SCHIP1: variants seen among roughly 807,000 people sequenced by gnomAD.
The protein encoded by SCHIP1 is schwannomin-interacting protein 1.
In SCHIP1, 8 loss-of-function variants were observed where a neutral mutation model predicts 29.7. That is an observed-to-expected ratio of 0.27 (90% confidence interval 0.16 to 0.49). SCHIP1 has a LOEUF of 0.49. Among genes scored for constraint, SCHIP1 ranks in the 20% least tolerant of loss-of-function variants. The pLI is 0.99. For synonymous variants in SCHIP1, 76 were observed against 94.9 expected, an observed-to-expected ratio of 0.80 and a Z score of 1.16; for missense variants, 193 against 294.6, an observed-to-expected ratio of 0.66 and a Z score of 2.52.
the SCHIP1 span, among the ~76,000 whole-genome samples, chr3:159,646,591 A>G: frequency 2.0e-5 from 3 of 152,112 alleles, no homozygotes; most frequent in Non-Finnish European, 4.4e-5. Flanking sequence ...CTTCAGTAAG[A>G]TAGTAATAAG....
chr3:159,630,323 A>T, the SCHIP1 span, among the ~76,000 whole-genome samples: 28,002 of 152,096 alleles, frequency 0.18, 7,419 homozygotes, highest in African/African-American at 0.59. Context: ...AAACTATGTA[A>T]AAAAGTGACT....
At chr3:159,321,908 TACTA>T in the SCHIP1 span, among the ~76,000 whole-genome samples, 1 of 152,128 alleles carries the variant, frequency 6.6e-6, no homozygotes, top group Non-Finnish European at 1.5e-5. Context: ...AAAATTATAT[TACTA>T]ACTCTTTTTG....
the SCHIP1 span, among the ~76,000 whole-genome samples, chr3:159,432,363 GGAGA>G: frequency 2.6e-5 from 3 of 113,332 alleles, no homozygotes; most frequent in African/African-American, 9.6e-5. Flanking sequence ...AGAGAGAGAG[GGAGA>G]GAGAGAGAGA....
intron 1 of SCHIP1, among the ~76,000 whole-genome samples, chr3:159,865,548 A>G (rs1714530881): frequency 6.6e-6 from 1 of 152,324 alleles, no homozygotes; most frequent in South Asian, 2.1e-4. Flanking sequence ...GGTTTCTCAC[A>G]TTCTAAAACC....
the SCHIP1 span, among the ~76,000 whole-genome samples, chr3:159,325,663 C>A: frequency 6.6e-6 from 1 of 152,040 alleles, no homozygotes; most frequent in South Asian, 2.1e-4. Flanking sequence ...TTCTTGTCAC[C>A]ATCACCCCTT....
At chr3:159,810,029 G>A in the SCHIP1 span, among the ~76,000 whole-genome samples, 19,460 of 152,190 alleles carry the variant, frequency 0.13, 1,483 homozygotes, top group Middle Eastern at 0.29. Flanking sequence ...TTTACATACC[G>A]TAAAATTCAC....
the SCHIP1 span, among the ~76,000 whole-genome samples, chr3:159,668,676 G>A: frequency 3.3e-5 from 5 of 152,170 alleles, no homozygotes; most frequent in Admixed American, 3.3e-4. Context: ...GTTCCCATCA[G>A]CTGGAAAGAG....
the SCHIP1 span, among the ~76,000 whole-genome samples, chr3:159,593,237 T>G: frequency 3.9e-5 from 6 of 152,282 alleles, no homozygotes; most frequent in African/African-American, 1.4e-4. Flanking sequence ...GAGTAGGTAC[T>G]TAAGTGGAAT....
At chr3:159,892,225 G>A in intron 6 of SCHIP1, 35 bp downstream of exon 7, 1 of 1,612,532 alleles carries the variant, frequency 6.2e-7, no homozygotes, top group Middle Eastern at 1.7e-4. Flanking sequence ...AAGAAGAAAA[G>A]CCCAGGGTGG....
At chr3:159,854,155 A>G (rs535362302) in intron 1 of SCHIP1, among the ~76,000 whole-genome samples, 2 of 152,356 alleles carry the variant, frequency 1.3e-5, no homozygotes, top group East Asian at 3.9e-4. Flanking sequence ...CATAACATGA[A>G]GAATAAAATC....
the SCHIP1 span, among the ~76,000 whole-genome samples, chr3:159,816,713 A>G: frequency 6.6e-6 from 1 of 152,216 alleles, no homozygotes; most frequent in Admixed American, 6.5e-5. Context: ...TAACTCCTAT[A>G]TCAGCCCTGC....
At chr3:159,304,600 C>T in the SCHIP1 span, among the ~76,000 whole-genome samples, 1 of 152,218 alleles carries the variant, frequency 6.6e-6, no homozygotes, top group Non-Finnish European at 1.5e-5. Flanking sequence ...TAAACATACA[C>T]ATGCTAACAT....
the SCHIP1 span, among the ~76,000 whole-genome samples, chr3:159,293,743 A>G: frequency 2.6e-5 from 4 of 152,226 alleles, no homozygotes; most frequent in South Asian, 8.3e-4. Flanking sequence ...TTAAAAGCCT[A>G]TTATTCTCAA....
the SCHIP1 span, among the ~76,000 whole-genome samples, chr3:159,669,320 C>G: frequency 1.3e-5 from 2 of 152,218 alleles, no homozygotes; most frequent in Non-Finnish European, 2.9e-5. Context: ...AAGCCCAGCT[C>G]ATTTCGACAG....
upstream of SCHIP1, among the ~76,000 whole-genome samples, chr3:159,838,248 G>A (rs1743864342): frequency 6.6e-6 from 1 of 152,148 alleles, no homozygotes; most frequent in South Asian, 2.1e-4. Flanking sequence ...TATAAAAATA[G>A]GTTTTTCTCA....
chr3:159,400,892 C>T, the SCHIP1 span, among the ~76,000 whole-genome samples: 1 of 152,198 alleles, frequency 6.6e-6, no homozygotes, highest in Non-Finnish European at 1.5e-5. Context: ...TCTTCCCTAT[C>T]TTCTGTTATC....
the SCHIP1 span, among the ~76,000 whole-genome samples, chr3:159,655,073 G>C: frequency 3.3e-5 from 5 of 152,172 alleles, no homozygotes; most frequent in African/African-American, 1.2e-4. Context: ...ATGAGTTCTG[G>C]GTTCAACTCC....
At chr3:159,396,386 T>C in the SCHIP1 span, among the ~76,000 whole-genome samples, 1 of 148,064 alleles carries the variant, frequency 6.8e-6, no homozygotes, top group Non-Finnish European at 1.5e-5. Flanking sequence ...GTTATTTTGC[T>C]CATTAGTTGA....
chr3:159,304,085 T>G, the SCHIP1 span, among the ~76,000 whole-genome samples: 1 of 150,752 alleles, frequency 6.6e-6, no homozygotes, highest in East Asian at 2.0e-4. Flanking sequence ...ATTGTTCAGT[T>G]CCCACCTATG....
Sources: gnomAD v4.1 joint callset for allele counts (sites outside exome capture counted in the v4.1 genomes callset) on GRCh38, gnomAD v4.1.1 for gene constraint, MANE v1.5 for transcripts, NCBI Gene and HGNC (gene_info 2026-07-23, HGNC 2026-07-21) for gene names.